DCC: variants seen among roughly 807,000 people sequenced by gnomAD.
DCC encodes the protein DCC netrin 1 receptor, also known as netrin receptor DCC.
DCC carries 58 observed loss-of-function variants against 172.5 expected under a neutral mutation model. The ratio of observed to expected loss-of-function variants is 0.34; its 90% CI spans 0.27 to 0.42. DCC has a LOEUF of 0.42. DCC is among the 10% of genes least tolerant of loss of function. The pLI is 1.00. For missense variants in DCC, 1,740 were observed against 1,791.0 expected (o/e 0.97, Z 0.51); for synonymous variants, 709 against 644.5 (o/e 1.10, Z -1.52).
chr18:52,410,602 G>T (rs1197981492), intron 1 of DCC, among the ~76,000 whole-genome samples: 4 of 152,072 alleles, frequency 2.6e-5, no homozygotes, highest in African/African-American at 9.7e-5. Context: ...TGAAATACCT[G>T]GTCGGAGATG....
intron 1 of DCC, among the ~76,000 whole-genome samples, chr18:52,730,426 T>C (rs1306027520): frequency 6.6e-6 from 1 of 152,212 alleles, no homozygotes; most frequent in Non-Finnish European, 1.5e-5. Context: ...TTCTTCCCTT[T>C]TCTTTTTTTC....
At chr18:52,966,766 T>C (rs2040938473) in intron 5 of DCC, among the ~76,000 whole-genome samples, 1 of 152,198 alleles carries the variant, frequency 6.6e-6, no homozygotes. Context: ...TCAGTGGTCA[T>C]GACTTTCTCT....
intron 1 of DCC, among the ~76,000 whole-genome samples, chr18:52,520,344 AATC>A (rs1285495170): frequency 6.6e-6 from 1 of 152,228 alleles, no homozygotes; most frequent in East Asian, 1.9e-4. Flanking sequence ...TTACTGCTAT[AATC>A]AGTAAATCCA....
intron 1 of DCC, among the ~76,000 whole-genome samples, chr18:52,379,269 T>G (rs1237022000): frequency 6.6e-6 from 1 of 152,034 alleles, no homozygotes; most frequent in Non-Finnish European, 1.5e-5. Flanking sequence ...AAAAACAGAT[T>G]GGATACATGC....
intron 5 of DCC, among the ~76,000 whole-genome samples, chr18:52,980,939 C>T (rs2041199223): frequency 8.9e-6 from 1 of 111,908 alleles, no homozygotes; most frequent in South Asian, 2.9e-4. Context: ...AACAAACATA[C>T]TGCTATTTTT....
intron 15 of DCC, among the ~76,000 whole-genome samples, chr18:53,340,855 A>G (rs2057651866): frequency 6.6e-6 from 1 of 152,092 alleles, no homozygotes; most frequent in Non-Finnish European, 1.5e-5. Flanking sequence ...GGGATCTGCT[A>G]CTTATTTGCA....
At chr18:52,663,816 A>C (rs2035409493) in intron 1 of DCC, among the ~76,000 whole-genome samples, 1 of 152,184 alleles carries the variant, frequency 6.6e-6, no homozygotes, top group Non-Finnish European at 1.5e-5. Flanking sequence ...ATAAGAGAAG[A>C]ATTGATATGA....
intron 27 of DCC, among the ~76,000 whole-genome samples, chr18:53,513,273 G>A (rs1275149009): frequency 6.6e-6 from 1 of 152,088 alleles, no homozygotes; most frequent in Non-Finnish European, 1.5e-5. Flanking sequence ...AGAGATTTTT[G>A]TCACCACCAG....
At position 52,752,293 on chromosome 18, in the gene DCC, G is replaced by A; in HGVS notation, c.331G>A (p.Asp111Asn). ...ACTTCATTCCAGACACCACAAGCCA[G>A]ATGAGGGACTTTACCAATGTGAGGC... Reference protein sequence around the residue: ...NILHSRHHKPDEGLYQCEASL... With the variant: ...NILHSRHHKPNEGLYQCEASL... The change falls in exon 2 of 29, where the codon GAT becomes AAT. Residue 111 changes from aspartate (D) to asparagine (N), a missense_variant. Coordinates refer to ENST00000442544, the MANE Select transcript of DCC (RefSeq NM_005215.4). 3 of 1,614,178 alleles carry A rather than the reference G, an allele frequency of 1.9e-6. No homozygotes were observed. Among genetic ancestry groups the A allele is most frequent in the Non-Finnish European group, 1.7e-6 (2 of 1,180,024 alleles).
chr18:52,816,319 C>T (rs933464249), intron 2 of DCC, among the ~76,000 whole-genome samples: 4 of 152,160 alleles, frequency 2.6e-5, no homozygotes, highest in Admixed American at 6.5e-5. Context: ...AGGCACAACA[C>T]GGTCTAACTC....
chr18:53,381,553 A>G (rs1907732517), intron 15 of DCC, among the ~76,000 whole-genome samples: 2 of 61,738 alleles, frequency 3.2e-5, no homozygotes, highest in Admixed American at 2.1e-4. Flanking sequence ...TTTTATATTT[A>G]CCCCCCACCC....
chr18:52,644,835 GGGAA>G (rs1460876687), intron 1 of DCC, among the ~76,000 whole-genome samples: 3 of 146,958 alleles, frequency 2.0e-5, no homozygotes, highest in African/African-American at 5.1e-5. Context: ...GAGGGAGGGA[GGGAA>G]GGAGGGAGGG....
intron 12 of DCC, among the ~76,000 whole-genome samples, chr18:53,233,265 C>G (rs1413766567): frequency 6.6e-6 from 1 of 152,180 alleles, no homozygotes; most frequent in East Asian, 1.9e-4. Context: ...ATCCAATTCA[C>G]CTGTAGTGTC....
chr18:52,404,786 A>T (rs1306859056), intron 1 of DCC, among the ~76,000 whole-genome samples: 1 of 148,498 alleles, frequency 6.7e-6, no homozygotes, highest in Non-Finnish European at 1.5e-5. Context: ...AGCATTAGGT[A>T]TATCTCCCAA....
intron 17 of DCC, among the ~76,000 whole-genome samples, chr18:53,392,761 G>A (rs1217974101): frequency 3.3e-5 from 5 of 152,148 alleles, no homozygotes. Context: ...AAAACATGGT[G>A]TAGTCATTGT....
At chr18:53,406,645 A>T (rs1568111964) in intron 19 of DCC, among the ~76,000 whole-genome samples, 1 of 150,786 alleles carries the variant, frequency 6.6e-6, no homozygotes, top group South Asian at 2.1e-4. Context: ...CGGGTGTTGC[A>T]GCGAGCCGAG....
At chr18:53,136,946 A>T (rs2043752133) in intron 7 of DCC, among the ~76,000 whole-genome samples, 2 of 152,196 alleles carry the variant, frequency 1.3e-5, no homozygotes, top group South Asian at 4.1e-4. Context: ...TCCATGATAT[A>T]TATTGAATGT....
chr18:52,468,260 T>C (rs570813805), intron 1 of DCC, among the ~76,000 whole-genome samples: 1 of 152,158 alleles, frequency 6.6e-6, no homozygotes, highest in Non-Finnish European at 1.5e-5. Flanking sequence ...CTTTACCACA[T>C]GGACTTAGAA....
chr18:52,725,707 G>C (rs1568065730), intron 1 of DCC, among the ~76,000 whole-genome samples: 1 of 152,142 alleles, frequency 6.6e-6, no homozygotes, highest in Admixed American at 6.5e-5. Flanking sequence ...CAACAAGGTC[G>C]ATGATTTTGA....
Sources: gnomAD v4.1 joint callset for allele counts (sites outside exome capture counted in the v4.1 genomes callset) on GRCh38, gnomAD v4.1.1 for gene constraint, MANE v1.5 for transcripts, NCBI Gene and HGNC (gene_info 2026-07-23, HGNC 2026-07-21) for gene names.